The following RAB30 variants were observed in gnomAD, a reference collection of about 807,000 sequenced individuals.
RAB30 encodes the protein RAB30, member RAS oncogene family, also known as ras-related protein Rab-30.
In RAB30, 9 loss-of-function variants were observed where a neutral mutation model predicts 25.1. That is an observed-to-expected ratio of 0.36 (90% CI 0.22 to 0.63). The LOEUF (loss-of-function observed/expected upper bound fraction) is 0.63, where lower values mean the gene tolerates loss of function less well. Ranked by LOEUF, RAB30 falls within the 20% of genes least tolerant of loss-of-function variation. The probability of loss-of-function intolerance (pLI) is 0.69; values close to 1 mark genes in which losing one functional copy is unlikely to be tolerated. For synonymous variants in RAB30, 77 were observed against 86.4 expected (o/e 0.89, Z 0.60); for missense variants, 140 against 243.5 (o/e 0.58, Z 2.83).
intron 2 of RAB30, among the ~76,000 whole-genome samples, chr11:82,995,723 T>C (rs763904034): frequency 3.9e-5 from 6 of 152,206 alleles, no homozygotes; most frequent in Admixed American, 6.5e-5. Context: ...TTAAAGAGAA[T>C]GGTCTCAGAA....
intron 1 of RAB30, among the ~76,000 whole-genome samples, chr11:83,014,644 A>AAGAG (rs1555035130): frequency 8.4e-6 from 1 of 118,604 alleles, no homozygotes; most frequent in African/African-American, 3.4e-5. Flanking sequence ...AAAAGAAAGA[A>AAGAG]AGAAAGAAAG....
intron 3 of RAB30, among the ~76,000 whole-genome samples, chr11:82,989,125 G>A (rs906863978): frequency 4.6e-5 from 7 of 152,106 alleles, no homozygotes; most frequent in Non-Finnish European, 8.8e-5. Flanking sequence ...CAACAATCCA[G>A]TGAGGTAGGC....
chr11:83,031,384 T>A (rs975631532), intron 1 of RAB30, among the ~76,000 whole-genome samples: 1 of 152,244 alleles, frequency 6.6e-6, no homozygotes, highest in African/African-American at 2.4e-5. Flanking sequence ...AATTTCTCTG[T>A]TTGTTTCCTT....
chr11:82,997,185 C>T, intron 2 of RAB30, 39 bp downstream of exon 2: 1 of 1,539,594 alleles, frequency 6.5e-7, no homozygotes. Flanking sequence ...CTGACAAACC[C>T]AACCCTGGGC....
chr11:83,033,123 G>A (rs949878414), intron 1 of RAB30, among the ~76,000 whole-genome samples: 5 of 137,002 alleles, frequency 3.6e-5, no homozygotes, highest in African/African-American at 5.4e-5. Flanking sequence ...GGAATGCAAC[G>A]GCATGACCTC....
intron 4 of RAB30, among the ~76,000 whole-genome samples, chr11:82,983,024 C>A (rs1041127760): frequency 2.0e-5 from 3 of 151,504 alleles, no homozygotes; most frequent in African/African-American, 7.3e-5. Flanking sequence ...CTATATACTG[C>A]CATGTAATGG....
Position 82,975,186 on chromosome 11 carries a change from A to G in RAB30, c.*6979T>C, listed in dbSNP as rs927999392. On this transcript the variant is annotated 3_prime_UTR_variant, in exon 5 of 5. Transcript: ENST00000527633. Reference sequence around the variant, plus strand: ...ATTTTTAAAAAATAAATCAATTAACATTCATTGTCAAATAACCTACAAGAA... The same window carrying G: ...ATTTTTAAAAAATAAATCAATTAACGTTCATTGTCAAATAACCTACAAGAA... 1 of 152,128 alleles carries G rather than the reference A, an allele frequency of 6.6e-6. No individual in the cohort carries two copies. The highest frequency in any genetic ancestry group is 2.4e-5 in the African/African-American group (1 of 41,450). The allele number at this position is 152,128 out of a possible 1,614,324, so 9.4% of individuals were successfully genotyped here.
chr11:83,014,686 G>GAAAGAAAGAAAGAAAGAA (rs1857391418), intron 1 of RAB30, among the ~76,000 whole-genome samples: 3 of 134,500 alleles, frequency 2.2e-5, no homozygotes, highest in African/African-American at 8.8e-5. Context: ...AAGAAAGAAA[G>GAAAGAAAGAAAGAAAGAA]AAAGAAAGAG....
intron 1 of RAB30, among the ~76,000 whole-genome samples, chr11:83,037,644 T>C (rs770258038): frequency 6.6e-6 from 1 of 152,034 alleles, no homozygotes; most frequent in African/African-American, 2.4e-5. Flanking sequence ...CTTGAACAAC[T>C]GGGTAGAGAG....
At position 82,979,600 on chromosome 11, in the gene RAB30, C is replaced by T. The variant is rs1856605375; in HGVS notation, c.*2565G>A. On this transcript the variant is annotated 3_prime_UTR_variant, in exon 5 of 5. Coordinates refer to ENST00000527633, the MANE Select transcript of RAB30 (RefSeq NM_001286060.2). ...AAAAAGCTCCCCCAACCACTACCAC[C>T]CCACCTTGGCACTTAAATGTTTATT... 6.6e-6 allele frequency: 1 copy of T among 152,154 alleles called. No individual in the cohort carries two copies. The highest frequency in any genetic ancestry group is 1.5e-5 in the Non-Finnish European group (1 of 68,040). The allele number at this position is 152,154 out of a possible 1,614,324, so 9.4% of individuals were successfully genotyped here. A position where few individuals can be genotyped will look rare whatever the true frequency, so the allele number is the denominator to read the frequency against.
intron 1 of RAB30, among the ~76,000 whole-genome samples, chr11:83,059,234 G>T (rs1858515563): frequency 6.6e-6 from 1 of 152,186 alleles, no homozygotes; most frequent in East Asian, 1.9e-4. Flanking sequence ...GAGCCACCGT[G>T]CCTGGCCTCT....
chr11:82,987,514 G>T, intron 4 of RAB30, 73 bp downstream of exon 4: 1 of 1,405,190 alleles, frequency 7.1e-7, no homozygotes, highest in Non-Finnish European at 9.7e-7. Context: ...AGGCACCAAT[G>T]TATAAGCTTT....
rs1309083045 is a variant in RAB30, at chr11:82,981,183, A to C, written c.*982T>G. 1 of 152,266 alleles carries C rather than the reference A, an allele frequency of 6.6e-6. No individual in the cohort carries two copies. The highest frequency in any genetic ancestry group is 1.5e-5 in the Non-Finnish European group (1 of 68,054). 9.4% of individuals were successfully genotyped at this position (152,266 alleles called of 1,614,324 possible). ...TGCTAGGAGCCCTGCACTACAGTCC[A>C]TTAATCCACAGTATTTTGGTCATAT... On this transcript the variant is annotated 3_prime_UTR_variant, in exon 5 of 5. Coordinates refer to ENST00000527633, the MANE Select transcript of RAB30 (RefSeq NM_001286060.2).
chr11:83,022,224 T>C lies in RAB30; in HGVS notation c.-8-24900A>G, dbSNP rs373601762. Among the ~76,000 whole-genome samples the C allele has an allele frequency of 2.6e-5, 4 of 152,214 alleles. No individual in the cohort carries two copies. The East Asian group carries it at 7.7e-4, about 29-fold the overall frequency. On this transcript the variant is annotated intron_variant, in intron 1 of 4. Coordinates refer to ENST00000527633, the MANE Select transcript of RAB30 (RefSeq NM_001286060.2). ...CTCAGGCTGGAATCCAGTAGCACGA[T>C]CACATGGCCAGTGAAGCCTGGACCT... is the stretch of plus-strand genomic sequence containing the variant.
At chr11:83,033,283 C>G (rs556548759) in intron 1 of RAB30, among the ~76,000 whole-genome samples, 1 of 152,072 alleles carries the variant, frequency 6.6e-6, no homozygotes, top group Admixed American at 6.5e-5. Flanking sequence ...TCAGGCTGGT[C>G]TCGAACTCCT....
chr11:82,998,362 G>C (rs753910547), intron 1 of RAB30, among the ~76,000 whole-genome samples: 1 of 152,080 alleles, frequency 6.6e-6, no homozygotes, highest in Admixed American at 6.6e-5. Context: ...CTGCTGTGAA[G>C]ATTTTTTAAA....
Position 83,038,070 on chromosome 11 carries a change from C to T in RAB30, c.-9+33621G>A, listed in dbSNP as rs954626626. 3.3e-5 allele frequency among the ~76,000 whole-genome samples: 5 copies of T among 152,120 alleles called. No individual in the cohort carries two copies. In the East Asian group the frequency reaches 5.8e-4, roughly 18 times the overall value. On this transcript the variant is annotated intron_variant, in intron 1 of 4. Transcript: ENST00000527633. The stretch of plus-strand genomic sequence containing the variant: ...GGTTAAAGAAAAAAACAGATGACTC[C>T]TTGACTGGAGGGTTAGAGAGAGAAT...
chr11:83,054,790 A>G (rs760838025), intron 1 of RAB30, among the ~76,000 whole-genome samples: 4 of 151,970 alleles, frequency 2.6e-5, no homozygotes, highest in African/African-American at 7.3e-5. Flanking sequence ...CTGATTGAGC[A>G]TGGGAGGTTA....
rs377702808 is a variant in RAB30, at chr11:83,016,227, G to A, written c.-8-18903C>T. 1.3e-4 allele frequency among the ~76,000 whole-genome samples: 20 copies of A among 152,288 alleles called. No individual in the cohort carries two copies. The East Asian group carries it at 3.7e-3, about 28-fold the overall frequency. ...CCACTGGTTGACAGAGACAAGGACG[G>A]TCCTGATGAAATGAGAGAAAGAGAT... is the stretch of plus-strand genomic sequence containing the variant. On this transcript the variant is annotated intron_variant, in intron 1 of 4. Transcript: ENST00000527633.
Sources: gnomAD v4.1 joint callset for allele counts (sites outside exome capture counted in the v4.1 genomes callset) on GRCh38, gnomAD v4.1.1 for gene constraint, MANE v1.5 for transcripts, NCBI Gene and HGNC (gene_info 2026-07-23, HGNC 2026-07-21) for gene names.